The following KCNQ3 variants were observed in gnomAD, a reference collection of about 807,000 sequenced individuals.
KCNQ3 encodes the protein potassium voltage-gated channel subfamily Q member 3.
A neutral mutation model predicts 92.5 loss-of-function variants in KCNQ3; 30 were observed. The ratio of observed to expected loss-of-function variants is 0.32; its 90% CI spans 0.24 to 0.44. The LOEUF is 0.44. Among genes scored for constraint, KCNQ3 ranks in the 20% least tolerant of loss-of-function variants. KCNQ3 has a pLI of 1.00. For synonymous variants in KCNQ3, 450 were observed against 468.8 expected, an observed-to-expected ratio of 0.96 and a Z score of 0.52; for missense variants, 913 against 1,140.3, an observed-to-expected ratio of 0.80 and a Z score of 2.87.
At chr8:132,464,859 T>C (rs188882395) in intron 1 of KCNQ3, among the ~76,000 whole-genome samples, 4 of 152,340 alleles carry the variant, frequency 2.6e-5, no homozygotes, top group Admixed American at 6.5e-5. Flanking sequence ...TCACCCCTCT[T>C]TCTCCTATTC....
At chr8:132,343,935 A>G (rs1818607893) in intron 1 of KCNQ3, among the ~76,000 whole-genome samples, 1 of 146,382 alleles carries the variant, frequency 6.8e-6, no homozygotes, top group Non-Finnish European at 1.5e-5. Context: ...TCCTTTTTCC[A>G]ATTTTAAGAC....
At chr8:132,271,744 C>T (rs987205675) in intron 1 of KCNQ3, among the ~76,000 whole-genome samples, 2 of 152,192 alleles carry the variant, frequency 1.3e-5, no homozygotes, top group Non-Finnish European at 1.5e-5. Flanking sequence ...TCTCCACCCC[C>T]GGGAAGCTGA....
At chr8:132,191,837 TG>T (rs1827172106) in intron 1 of KCNQ3, among the ~76,000 whole-genome samples, 1 of 151,656 alleles carries the variant, frequency 6.6e-6, no homozygotes, top group South Asian at 2.1e-4. Flanking sequence ...TTGTGACTAA[TG>T]GGATATAAAG....
intron 1 of KCNQ3, among the ~76,000 whole-genome samples, chr8:132,467,785 T>A (rs1383664308): frequency 6.6e-6 from 1 of 152,182 alleles, no homozygotes; most frequent in African/African-American, 2.4e-5. Flanking sequence ...AGCAAAACTA[T>A]ACTTCGGACA....
At chr8:132,472,444 A>C (rs1822318344) in intron 1 of KCNQ3, among the ~76,000 whole-genome samples, 1 of 152,228 alleles carries the variant, frequency 6.6e-6, no homozygotes, top group South Asian at 2.1e-4. Context: ...AAATGAAATC[A>C]TGTCATTTGC....
intron 1 of KCNQ3, among the ~76,000 whole-genome samples, chr8:132,291,419 T>C (rs1286181034): frequency 6.6e-6 from 1 of 152,220 alleles, no homozygotes; most frequent in East Asian, 1.9e-4. Context: ...ATTGTTGTTG[T>C]TCTCCAGGAC....
At chr8:132,184,451 A>C in intron 2 of KCNQ3, 84 bp from the exon 3 acceptor site, 1 of 1,477,152 alleles carries the variant, frequency 6.8e-7, no homozygotes. Flanking sequence ...GAAGTTCTGA[A>C]GAACTCCATT....
chr8:132,218,173 TAGCCCTGGC>T (rs1274980427), intron 1 of KCNQ3, among the ~76,000 whole-genome samples: 3 of 152,264 alleles, frequency 2.0e-5, no homozygotes, highest in Non-Finnish European at 4.4e-5. Context: ...TCATGTCAGG[TAGCCCTGGC>T]ATAGGTGCAA....
chr8:132,141,592 G>C (rs1475390001), intron 9 of KCNQ3, among the ~76,000 whole-genome samples: 1 of 152,130 alleles, frequency 6.6e-6, no homozygotes, highest in Non-Finnish European at 1.5e-5. Context: ...GCTTACATGA[G>C]GTGCCCGCTA....
At chr8:132,168,715 ATATG>A (rs1297069579) in intron 8 of KCNQ3, among the ~76,000 whole-genome samples, 4 of 134,422 alleles carry the variant, frequency 3.0e-5, no homozygotes, top group African/African-American at 8.5e-5. Context: ...AGGATAATGA[ATATG>A]TGTGTGTGTG....
intron 1 of KCNQ3, among the ~76,000 whole-genome samples, chr8:132,395,630 G>T (rs531411661): frequency 6.6e-6 from 1 of 152,358 alleles, no homozygotes; most frequent in African/African-American, 2.4e-5. Context: ...AACATGTTGT[G>T]TTTATCCAGC....
intron 1 of KCNQ3, among the ~76,000 whole-genome samples, chr8:132,364,097 T>C (rs1259729008): frequency 3.3e-5 from 5 of 152,126 alleles, no homozygotes; most frequent in African/African-American, 4.8e-5. Context: ...AACTCCTCAA[T>C]CCATCTTCCT....
At chr8:132,472,587 A>G (rs141776437) in intron 1 of KCNQ3, among the ~76,000 whole-genome samples, 2 of 152,306 alleles carry the variant, frequency 1.3e-5, no homozygotes, top group African/African-American at 4.8e-5. Context: ...ATAAAATGAT[A>G]GATACCAGAG....
intron 1 of KCNQ3, among the ~76,000 whole-genome samples, chr8:132,462,609 G>A (rs568902523): frequency 3.9e-4 from 59 of 152,242 alleles, no homozygotes; most frequent in African/African-American, 1.1e-3. Context: ...ACTTTTGACC[G>A]CATCACAGCT....
In KCNQ3 at chr8:132,339,320, A is replaced by G. The variant is rs192943579; in HGVS notation, c.386+140827T>C. On this transcript the variant is annotated intron_variant, in intron 1 of 14. Transcript: ENST00000388996. ...TAATCCGTTACTCATTTATTCATTC[A>G]TTCCACCAACTCGAACTGGGCAATC... is the stretch of plus-strand genomic sequence containing the variant. Among the ~76,000 whole-genome samples the G allele has an allele frequency of 3.7e-4, 56 of 152,256 alleles. No homozygotes were observed. The East Asian group carries it at 0.01, about 28-fold the overall frequency.
intron 1 of KCNQ3, among the ~76,000 whole-genome samples, chr8:132,419,921 C>T (rs1820921575): frequency 6.6e-6 from 1 of 152,156 alleles, no homozygotes; most frequent in Admixed American, 6.5e-5. Context: ...AACAGCACTC[C>T]CACGTTGGAA....
At chr8:132,323,935 C>T (rs1352450516) in intron 1 of KCNQ3, among the ~76,000 whole-genome samples, 2 of 152,198 alleles carry the variant, frequency 1.3e-5, no homozygotes, top group African/African-American at 2.4e-5. Context: ...GCAATCAAGA[C>T]CCTCCAGTCT....
chr8:132,426,801 A>G (rs1821125123), intron 1 of KCNQ3, among the ~76,000 whole-genome samples: 1 of 152,196 alleles, frequency 6.6e-6, no homozygotes, highest in South Asian at 2.1e-4. Flanking sequence ...CAAAATAAAC[A>G]TTAAAGCAAG....
At chr8:132,432,720 T>G (rs1563910081) in intron 1 of KCNQ3, among the ~76,000 whole-genome samples, 1 of 152,134 alleles carries the variant, frequency 6.6e-6, no homozygotes, top group African/African-American at 2.4e-5. Context: ...ACATCCTATC[T>G]CTGTCATCCA....
Sources: allele counts gnomAD v4.1 joint callset (sites outside exome capture counted in the v4.1 genomes callset), GRCh38; gene constraint gnomAD v4.1.1; transcripts MANE v1.5; gene names NCBI Gene and HGNC (gene_info 2026-07-23, HGNC 2026-07-21).